DEK: variants seen among roughly 807,000 people sequenced by gnomAD.
The protein encoded by DEK is protein DEK.
A neutral mutation model predicts 46.8 loss-of-function variants in DEK; 28 were observed. The ratio of observed to expected loss-of-function variants is 0.60; its 90% CI spans 0.44 to 0.82. The LOEUF is 0.82. Among genes scored for constraint, DEK ranks in the 40% least tolerant of loss-of-function variants. DEK has a pLI of 0.00. For synonymous variants in DEK, 160 were observed against 144.5 expected (o/e 1.11, Z -0.77); for missense variants, 416 against 430.6 (o/e 0.97, Z 0.30).
chr6:18,238,039 T>C (rs1173120446), intron 7 of DEK, among the ~76,000 whole-genome samples: 1 of 151,898 alleles, frequency 6.6e-6, no homozygotes, highest in Non-Finnish European at 1.5e-5. Context: ...CGGCTAATTT[T>C]TGTATTTTTA....
Position 18,237,461 on chromosome 6 carries a change from C to G in DEK, c.818G>C (p.Ser273Thr). The change falls in exon 8 of 11, where the codon AGT becomes ACT. Residue 273 changes from serine to threonine, a missense_variant. Coordinates refer to ENST00000652689, the MANE Select transcript of DEK (RefSeq NM_003472.4). ...ATTGGCACTTTTCACAGATTTTTTA[C>G]TTTTAGAAGTAGCTTTCTGTTTAGG... ...EKPKQKATSK[S>T]KKSVKSANVK... 6.2e-7 allele frequency: 1 copy of G among 1,610,910 alleles called. No individual in the cohort carries two copies. Among genetic ancestry groups the G allele is most frequent in the Non-Finnish European group, 8.5e-7 (1 of 1,179,294 alleles).
chr6:18,243,673 T>G (rs185469592), intron 7 of DEK, among the ~76,000 whole-genome samples: 26 of 151,414 alleles, frequency 1.7e-4, no homozygotes, highest in Admixed American at 1.7e-3. Context: ...AAGATTTTCC[T>G]TCTTTAGAAA....
intron 2 of DEK, among the ~76,000 whole-genome samples, chr6:18,259,389 C>T (rs1164940762): frequency 1.8e-5 from 1 of 55,082 alleles, no homozygotes; most frequent in African/African-American, 7.0e-5. Context: ...AGCAAGACTC[C>T]GTCTCAAAAA....
chr6:18,232,470 G>A (rs528220564), intron 9 of DEK, among the ~76,000 whole-genome samples: 24 of 152,222 alleles, frequency 1.6e-4, no homozygotes, highest in South Asian at 2.1e-4. Flanking sequence ...AAACCCCATC[G>A]TCTCAGCCCA....
At chr6:18,239,886 T>C (rs1450202886) in intron 7 of DEK, among the ~76,000 whole-genome samples, 1 of 152,182 alleles carries the variant, frequency 6.6e-6, no homozygotes, top group Non-Finnish European at 1.5e-5. Flanking sequence ...GCACACTTAA[T>C]ACACAGAATA....
rs1410048775 is a variant in DEK, at chr6:18,263,907, A to G, written c.81T>C (p.Gly27=). Residue 27 remains glycine, a synonymous_variant, in exon 2 of 11, where the codon GGT becomes GGC. Transcript: ENST00000652689. ...PASEKEPEMP[G]PREESEEEED... is the part of the protein sequence containing the mutation. The stretch of plus-strand genomic sequence containing the variant: ...CTTCCTCCTCGCTCTCCTCTCTGGG[A>G]CCGGGCATTTCGGGTTCTTTCTCGG... The G allele has an allele frequency of 6.2e-7, 1 of 1,611,016 alleles. No homozygotes were observed. Among genetic ancestry groups the G allele is most frequent in the Middle Eastern group, 1.7e-4 (1 of 6,056 alleles).
At chr6:18,262,679 A>G (rs1478240557) in intron 2 of DEK, among the ~76,000 whole-genome samples, 2 of 152,232 alleles carry the variant, frequency 1.3e-5, no homozygotes, top group Non-Finnish European at 2.9e-5. Flanking sequence ...GAAGACCAAA[A>G]TACAAACAAA....
chr6:18,252,654 T>C (rs934719630), intron 6 of DEK, among the ~76,000 whole-genome samples: 6 of 152,120 alleles, frequency 3.9e-5, no homozygotes. Flanking sequence ...TCTCACAGTG[T>C]GGTTCAAGGA....
At position 18,225,716 on chromosome 6, in the gene DEK, A is replaced by C. The variant is rs756105522; in HGVS notation, c.*3T>G. The C allele has an allele frequency of 3.1e-6, 5 of 1,613,422 alleles. No individual in the cohort carries two copies. The highest frequency in any genetic ancestry group is 3.4e-6 in the Non-Finnish European group (4 of 1,179,608). ...GAACGAGTCATCTTCTCTGTCCTCT[A>C]TCTCAAGAAATTAGCTGTAATGAAA... On this transcript the variant is annotated 3_prime_UTR_variant, in exon 11 of 11. Coordinates refer to ENST00000652689, the MANE Select transcript of DEK (RefSeq NM_003472.4).
chr6:18,251,364 A>T (rs932524836), intron 6 of DEK, among the ~76,000 whole-genome samples: 1 of 152,202 alleles, frequency 6.6e-6, no homozygotes, highest in African/African-American at 2.4e-5. Context: ...CCTCCCAGGA[A>T]CCTCCAGTCT....
intron 7 of DEK, among the ~76,000 whole-genome samples, chr6:18,237,791 TG>T (rs575979644): frequency 2.0e-5 from 3 of 151,738 alleles, no homozygotes; most frequent in South Asian, 4.2e-4. Flanking sequence ...TACTTAATCT[TG>T]GGGGGGACCC....
intron 7 of DEK, among the ~76,000 whole-genome samples, chr6:18,245,937 A>C (rs1428457136): frequency 6.6e-6 from 1 of 152,238 alleles, no homozygotes; most frequent in Non-Finnish European, 1.5e-5. Flanking sequence ...TGGTTTTATA[A>C]AAGGGAGTTG....
rs757689164 is a variant in DEK at position 18,263,868 on chromosome 6, GTCGTCC to G, written c.114_119del (p.Glu38_Asp39del). 14 of 1,611,218 alleles carry G rather than the reference GTCGTCC, an allele frequency of 8.7e-6. No homozygotes were observed. In the South Asian group the frequency reaches 1.1e-4, roughly 13 times the overall value. On this transcript the variant is annotated inframe_deletion, in exon 2 of 11. Transcript: ENST00000652689. ...CTTTTTCCTCCTCCTCCTCCTCCTC[GTCGTCC>G]TCGTCCTCTTCCTCCTCGCTCTCCT...
chr6:18,233,404 G>C (rs540248635), intron 9 of DEK, among the ~76,000 whole-genome samples: 18 of 152,326 alleles, frequency 1.2e-4, no homozygotes, highest in African/African-American at 4.1e-4. Context: ...TACCATCAGA[G>C]TGAACAGGCA....
At chr6:18,245,183 G>A (rs1187463020) in intron 7 of DEK, among the ~76,000 whole-genome samples, 1 of 152,188 alleles carries the variant, frequency 6.6e-6, no homozygotes, top group Non-Finnish European at 1.5e-5. Flanking sequence ...AACATCACTA[G>A]AAGAAAACCT....
At chr6:18,244,485 A>G in intron 7 of DEK, 1 of 1,262,348 alleles carries the variant, frequency 7.9e-7, no homozygotes, top group Non-Finnish European at 1.0e-6. Context: ...AGGCAAAAAA[A>G]ATCTTGGGAA....
In DEK at chr6:18,259,394, C is replaced by CAAAAAAAAAA. The variant is rs56704006; in HGVS notation, c.146-999_146-990dup. Among the ~76,000 whole-genome samples the CAAAAAAAAAA allele has an allele frequency of 2.7e-4, 11 of 41,480 alleles. 2 individuals are homozygous for CAAAAAAAAAA. The highest frequency in any genetic ancestry group is 1.0e-3 in the East Asian group (1 of 954). 27.2% of individuals were successfully genotyped at this position (41,480 alleles called of 152,430 possible). A position where few individuals can be genotyped will look rare whatever the true frequency, so the allele number is the denominator to read the frequency against. ...TGGGCGACACAGCAAGACTCCGTCT[C>CAAAAAAAAAA]AAAAAAAAAAAAAAAAAAAAAAAAA... is the stretch of plus-strand genomic sequence containing the variant. On this transcript the variant is annotated intron_variant, in intron 2 of 10. Coordinates refer to ENST00000652689, the MANE Select transcript of DEK (RefSeq NM_003472.4).
At chr6:18,254,358 A>G (rs1791516577) in intron 6 of DEK, among the ~76,000 whole-genome samples, 1 of 152,180 alleles carries the variant, frequency 6.6e-6, no homozygotes. Context: ...AACAGTAACA[A>G]CAACAACAAC....
chr6:18,261,438 G>A (rs1173045174), intron 2 of DEK, among the ~76,000 whole-genome samples: 1 of 152,142 alleles, frequency 6.6e-6, no homozygotes, highest in Non-Finnish European at 1.5e-5. Flanking sequence ...CAGCTGTGGT[G>A]GCATATGCCT....
Sources: gnomAD v4.1 joint callset for allele counts (sites outside exome capture counted in the v4.1 genomes callset) on GRCh38, gnomAD v4.1.1 for gene constraint, MANE v1.5 for transcripts, NCBI Gene and HGNC (gene_info 2026-07-23, HGNC 2026-07-21) for gene names.